Variants in GRIP1 observed in about 807,000 individuals in gnomAD.
The protein encoded by GRIP1 is glutamate receptor interacting protein 1, also known as glutamate receptor-interacting protein 1.
GRIP1 carries 45 observed loss-of-function variants against 129.9 expected under a neutral mutation model. That is an observed-to-expected ratio of 0.35 (90% CI 0.27 to 0.44). GRIP1 has a LOEUF of 0.44. GRIP1 is among the 20% of genes least tolerant of loss of function. The pLI, the probability that GRIP1 is intolerant of heterozygous loss-of-function variation, is 1.00. For synonymous variants in GRIP1, 530 were observed against 520.8 expected (o/e 1.02, Z -0.24); for missense variants, 1,196 against 1,396.8 (o/e 0.86, Z 2.29).
At chr12:66,503,980 G>A (rs752057760) in intron 7 of GRIP1, among the ~76,000 whole-genome samples, 60 of 152,242 alleles carry the variant, frequency 3.9e-4, no homozygotes, top group Admixed American at 2.1e-3. Flanking sequence ...AAACAAAAAG[G>A]TCATTGTGTA....
At chr12:66,946,456 A>G (rs1223796234) in intron 1 of GRIP1, among the ~76,000 whole-genome samples, 1 of 152,100 alleles carries the variant, frequency 6.6e-6, no homozygotes, top group Non-Finnish European at 1.5e-5. Flanking sequence ...CTAAATGATG[A>G]ACATCAATTT....
intron 1 of GRIP1, among the ~76,000 whole-genome samples, chr12:66,814,860 G>T (rs1157578869): frequency 6.6e-6 from 1 of 151,674 alleles, no homozygotes; most frequent in Non-Finnish European, 1.5e-5. Context: ...CAGGGCAGCA[G>T]GATGGAGTGA....
intron 2 of GRIP1, among the ~76,000 whole-genome samples, chr12:66,546,226 A>C (rs1016355473): frequency 6.6e-6 from 1 of 152,212 alleles, no homozygotes; most frequent in Non-Finnish European, 1.5e-5. Flanking sequence ...GCAGTGGCTC[A>C]TGCCTATAAT....
At chr12:66,938,111 C>G (rs2041517084) in intron 1 of GRIP1, among the ~76,000 whole-genome samples, 1 of 152,178 alleles carries the variant, frequency 6.6e-6, no homozygotes, top group African/African-American at 2.4e-5. Flanking sequence ...GGCACAGTGG[C>G]TCATACCTGT....
intron 14 of GRIP1, among the ~76,000 whole-genome samples, chr12:66,422,547 A>C (rs2057842519): frequency 6.6e-6 from 1 of 151,804 alleles, no homozygotes; most frequent in Non-Finnish European, 1.5e-5. Flanking sequence ...AGCTGTAGTA[A>C]CCATCACATA....
rs145146816 is a variant in GRIP1, at chr12:66,642,583, T to C, written c.55+36267A>G. On this transcript the variant is annotated intron_variant, in intron 1 of 24. Coordinates refer to ENST00000359742, the MANE Select transcript of GRIP1 (RefSeq NM_001366722.1). ...AAATGACAGAAGCAGATTCCTGCTTTAGGAAGAACCCTATGGATGCCGGGT... is the reference window on the plus strand; with the variant it reads ...AAATGACAGAAGCAGATTCCTGCTTCAGGAAGAACCCTATGGATGCCGGGT... 8.8e-3 allele frequency among the ~76,000 whole-genome samples: 1,335 copies of C among 152,166 alleles called. 11 individuals carry two copies. Among genetic ancestry groups the C allele is most frequent in the Non-Finnish European group, 0.014 (959 of 67,990 alleles).
chr12:66,382,197 C>A (rs972427244), intron 19 of GRIP1, among the ~76,000 whole-genome samples: 3 of 152,186 alleles, frequency 2.0e-5, no homozygotes, highest in African/African-American at 7.2e-5. Flanking sequence ...CCACTGCACT[C>A]CAGTCTGGGT....
intron 1 of GRIP1, among the ~76,000 whole-genome samples, chr12:66,926,164 A>ATGTACTTCAGT (rs57507385): frequency 1.3e-5 from 2 of 151,874 alleles, no homozygotes; most frequent in African/African-American, 4.8e-5. Context: ...TTACCCCACA[A>ATGTACTTCAGT]AGTCACTGAG....
chr12:66,365,552 G>A (rs1405292084), intron 23 of GRIP1, among the ~76,000 whole-genome samples: 1 of 152,224 alleles, frequency 6.6e-6, no homozygotes, highest in East Asian at 1.9e-4. Context: ...AGGGCTGGAT[G>A]CCATTATTTA....
chr12:66,583,148 C>A (rs1243083252), intron 2 of GRIP1, among the ~76,000 whole-genome samples: 8 of 151,734 alleles, frequency 5.3e-5, no homozygotes, highest in Admixed American at 2.0e-4. Context: ...GAAAAACAAG[C>A]AATGGCGAAA....
In GRIP1 at chr12:67,014,685, A is replaced by G. The variant is rs544906711; in HGVS notation, c.58+54365T>C. Among the ~76,000 whole-genome samples the G allele has an allele frequency of 9.2e-5, 14 of 152,286 alleles. No individual in the cohort carries two copies. In the South Asian group the frequency reaches 2.7e-3, roughly 29 times the overall value. Reference sequence around the variant, plus strand: ...CCCCCTGCAGAGACTCAAAATACACATTCACATGGTAAAGGCTCAGAATAA... The same window carrying G: ...CCCCCTGCAGAGACTCAAAATACACGTTCACATGGTAAAGGCTCAGAATAA... On this transcript the variant is annotated intron_variant, in intron 1 of 1. Coordinates refer to the GRIP1 transcript ENST00000643019.
chr12:66,913,317 G>C (rs994664511), intron 1 of GRIP1, among the ~76,000 whole-genome samples: 1 of 152,120 alleles, frequency 6.6e-6, no homozygotes, highest in East Asian at 1.9e-4. Context: ...ATTTATTGGA[G>C]CATTTTGCAA....
At position 66,587,998 on chromosome 12, in the gene GRIP1, T is replaced by A. The variant is rs567136531; in HGVS notation, c.136+8849A>T. Among the ~76,000 whole-genome samples, 10 of 152,148 alleles carry A rather than the reference T, an allele frequency of 6.6e-5. No homozygotes were observed. In the South Asian group the frequency reaches 1.7e-3, roughly 25 times the overall value. On this transcript the variant is annotated intron_variant, in intron 2 of 24. Transcript: ENST00000359742. ...TAAAAGAATTTGTGTATCACTTATA[T>A]ATTTTATATATTTATATATAGATAT...
chr12:66,575,662 C>T (rs2063115638), intron 2 of GRIP1, among the ~76,000 whole-genome samples: 1 of 152,172 alleles, frequency 6.6e-6, no homozygotes, highest in African/African-American at 2.4e-5. Flanking sequence ...AGAATGGTAG[C>T]TAAAAGGTGT....
intron 1 of GRIP1, among the ~76,000 whole-genome samples, chr12:66,715,631 G>A (rs530487910): frequency 6.6e-6 from 1 of 152,096 alleles, no homozygotes; most frequent in East Asian, 1.9e-4. Context: ...AATACCAGCT[G>A]AATAAATCAG....
At chr12:66,593,920 T>C (rs1021384686) in intron 2 of GRIP1, among the ~76,000 whole-genome samples, 1 of 151,584 alleles carries the variant, frequency 6.6e-6, no homozygotes, top group Non-Finnish European at 1.5e-5. Flanking sequence ...TACAAAAAAT[T>C]AGCTGGGTGT....
At chr12:66,772,677 C>G (rs1485326131) in intron 1 of GRIP1, among the ~76,000 whole-genome samples, 3 of 152,164 alleles carry the variant, frequency 2.0e-5, no homozygotes, top group Non-Finnish European at 2.9e-5. Context: ...TGTGTTACCC[C>G]CAACATCTAG....
intron 7 of GRIP1, among the ~76,000 whole-genome samples, chr12:66,472,798 T>C (rs906956610): frequency 6.6e-6 from 1 of 152,206 alleles, no homozygotes; most frequent in Non-Finnish European, 1.5e-5. Flanking sequence ...CTAGCCCAGA[T>C]ACTACGCTTT....
intron 1 of GRIP1, among the ~76,000 whole-genome samples, chr12:66,898,494 C>T (rs983123388): frequency 2.0e-5 from 3 of 152,120 alleles, no homozygotes; most frequent in African/African-American, 4.8e-5. Context: ...TGTTAAAGGG[C>T]CAATTTTCTA....
Sources: allele counts gnomAD v4.1 joint callset (sites outside exome capture counted in the v4.1 genomes callset), GRCh38; gene constraint gnomAD v4.1.1; transcripts MANE v1.5; gene names NCBI Gene and HGNC (gene_info 2026-07-23, HGNC 2026-07-21).